Variants in SNRNP70 observed in about 807,000 individuals in gnomAD.
SNRNP70 encodes small nuclear ribonucleoprotein U1 subunit 70.
A neutral mutation model predicts 50.5 loss-of-function variants in SNRNP70; 8 were observed. That is an observed-to-expected ratio of 0.16 (90% confidence interval 0.09 to 0.29). The LOEUF (loss-of-function observed/expected upper bound fraction) is 0.29, where lower values mean the gene tolerates loss of function less well. Among genes scored for constraint, SNRNP70 ranks in the 10% least tolerant of loss-of-function variants. The pLI is 1.00. For missense variants in SNRNP70, 529 were observed against 663.5 expected (o/e 0.80, Z 2.23); for synonymous variants, 320 against 252.9 (o/e 1.27, Z -2.52).
Position 49,085,530 on chromosome 19 carries a change from TG to T in SNRNP70, c.-115del. The T allele has an allele frequency of 2.2e-6, 1 of 455,846 alleles. No homozygotes were observed. The highest frequency in any genetic ancestry group is 4.4e-6 in the Non-Finnish European group (1 of 226,700). 28.2% of individuals were successfully genotyped at this position (455,846 alleles called of 1,614,324 possible). On this transcript the variant is annotated 5_prime_UTR_variant, in exon 1 of 10. Coordinates refer to ENST00000598441, the MANE Select transcript of SNRNP70 (RefSeq NM_003089.6). The stretch of plus-strand genomic sequence containing the variant: ...AGCGGGCGACGGAATCAGACGGACG[TG>T]GACGCCCCCGGAGTGGAAGCCGAAG...
In SNRNP70 at chr19:49,107,827, G is replaced by A. The variant is rs1193703499; in HGVS notation, c.698G>A (p.Arg233Gln). The A allele has an allele frequency of 2.5e-6, 4 of 1,586,690 alleles. No homozygotes were observed. The highest frequency in any genetic ancestry group is 3.4e-6 in the Non-Finnish European group (4 of 1,167,150). Reference protein sequence around the residue: ...PGPSPLPHRDRDRDRERERRE... With the variant: ...PGPSPLPHRDQDRDRERERRE... The stretch of plus-strand genomic sequence containing the variant: ...CCCTCCCCGCTTCCGCACAGGGACC[G>A]GGACCGGGACCGTGAGCGGGAGCGC... Residue 233 changes from arginine (R) to glutamine (Q), a missense_variant, in exon 10 of 10, where the codon CGG (arginine) becomes CAG (glutamine). By Grantham distance (43) the Arg-to-Gln change is conservative. This residue lies in a region of SNRNP70 where 53 missense variants were observed against 78.6 expected (regional missense o/e 0.67). Coordinates refer to ENST00000598441, the MANE Select transcript of SNRNP70 (RefSeq NM_003089.6). This position sits in a 1 kb window ranked among gnomAD's most constrained non-coding sequence, Gnocchi z 6.0.
Position 49,101,520 on chromosome 19 carries a change from T to A in SNRNP70, c.475+49T>A. 3.0e-6 allele frequency: 4 copies of A among 1,355,810 alleles called. No homozygotes were observed. In the South Asian group the frequency reaches 4.7e-5, roughly 16 times the overall value. 84.0% of individuals were successfully genotyped at this position (1,355,810 alleles called of 1,614,324 possible). ...GCCCTCTGACCTGCTCTCACTTCTC[T>A]GCTGCCCCAGCCCCTCCCAGTCTGT... is the stretch of plus-strand genomic sequence containing the variant. On this transcript the variant is annotated intron_variant, in intron 7 of 9. Coordinates refer to ENST00000598441, the MANE Select transcript of SNRNP70 (RefSeq NM_003089.6).
chr19:49,096,432 T>G (rs1272585959), intron 4 of SNRNP70, among the ~76,000 whole-genome samples: 4 of 152,162 alleles, frequency 2.6e-5, no homozygotes, highest in African/African-American at 9.7e-5. Flanking sequence ...TTGTCCCAGA[T>G]AGCGATTCCC....
rs1224010552 is a variant in SNRNP70, at chr19:49,107,742, G to T, written c.665+30G>T. On this transcript the variant is annotated intron_variant, in intron 9 of 9. Coordinates refer to ENST00000598441, the MANE Select transcript of SNRNP70 (RefSeq NM_003089.6). This position sits in a 1 kb window ranked among gnomAD's most constrained non-coding sequence, Gnocchi z 6.0. ...GATTGGGCGACCGGTGTCCTGGGGTGGGGGGCGGTCACGGGGGGAGCCCAG... is the reference window on the plus strand; with the variant it reads ...GATTGGGCGACCGGTGTCCTGGGGTTGGGGGCGGTCACGGGGGGAGCCCAG... 1 of 1,613,140 alleles carries T rather than the reference G, an allele frequency of 6.2e-7. No individual in the cohort carries two copies. The highest frequency in any genetic ancestry group is 8.5e-7 in the Non-Finnish European group (1 of 1,179,774).
intron 4 of SNRNP70, among the ~76,000 whole-genome samples, chr19:49,096,652 AG>A (rs2040517674): frequency 6.6e-6 from 1 of 151,630 alleles, no homozygotes; most frequent in Non-Finnish European, 1.5e-5. Flanking sequence ...TTGTAATCCC[AG>A]CTACTTGGGA....
At chr19:49,090,251 C>T (rs2040431442) in intron 2 of SNRNP70, 40 bp from the exon 3 acceptor site, 2 of 1,582,660 alleles carry the variant, frequency 1.3e-6, no homozygotes, top group Admixed American at 1.7e-5. Context: ...GCCATTTCCC[C>T]CAGTCCTTCC....
chr19:49,088,907 A>G (rs886783707), intron 2 of SNRNP70, among the ~76,000 whole-genome samples: 4 of 152,068 alleles, frequency 2.6e-5, no homozygotes, highest in Non-Finnish European at 5.9e-5. Context: ...ATGTTGCTTT[A>G]GGCCTGGTCA....
In SNRNP70 at chr19:49,095,016, T is replaced by C. The variant is rs371330234; in HGVS notation, c.266-3411T>C. On this transcript the variant is annotated intron_variant, in intron 4 of 9. Transcript: ENST00000598441. Reference sequence around the variant, plus strand: ...GTGATGTCCTGAGGGAGAGCTGCCGTCAGGGCGCTGCACGCATACGCTGGC... The same window carrying C: ...GTGATGTCCTGAGGGAGAGCTGCCGCCAGGGCGCTGCACGCATACGCTGGC... 8.4e-4 allele frequency among the ~76,000 whole-genome samples: 128 copies of C among 152,366 alleles called. 1 individual carries two copies. Among genetic ancestry groups the C allele is most frequent in the Admixed American group, 3.9e-3 (59 of 15,308 alleles).
chr19:49,091,116 A>C (rs888262535), intron 4 of SNRNP70, among the ~76,000 whole-genome samples: 1 of 152,108 alleles, frequency 6.6e-6, no homozygotes, highest in Non-Finnish European at 1.5e-5. Context: ...TCACGCTGTA[A>C]TCCCAGTACT....
intron 6 of SNRNP70, 42 bp from the exon 7 acceptor site, chr19:49,101,348 G>T (rs369072916): frequency 6.6e-7 from 1 of 1,521,322 alleles, no homozygotes; most frequent in Non-Finnish European, 9.1e-7. Flanking sequence ...GGGCGGAGCC[G>T]CCCTGTGGCA....
chr19:49,108,026 C>G lies in SNRNP70; in HGVS notation c.897C>G (p.Ala299=). ...GAAGCAGCCGGAGTCGGGAGCGGGC[C>G]CGGCGGGAGCGGGAGCGCAAGGAGG... The part of the protein sequence containing the change: ...KRRSSRSRER[A]RRERERKEEL... Residue 299 remains alanine (A), a synonymous_variant, in exon 10 of 10, where the codon GCC becomes GCG. Transcript: ENST00000598441. The G allele has an allele frequency of 6.5e-7, 1 of 1,547,888 alleles. No individual in the cohort carries two copies. Among genetic ancestry groups the G allele is most frequent in the Non-Finnish European group, 8.7e-7 (1 of 1,146,428 alleles).
At position 49,104,812 on chromosome 19, in the gene SNRNP70, C is replaced by T. The variant is rs1051321024; in HGVS notation, c.577+77C>T. ...CTTGTTCTCCCTTCTCTGCTGCTTTCTGCTTCTCTGTCTCCTGCCGGCCCA... is the reference window on the plus strand; with the variant it reads ...CTTGTTCTCCCTTCTCTGCTGCTTTTTGCTTCTCTGTCTCCTGCCGGCCCA... On this transcript the variant is annotated intron_variant, in intron 8 of 9. Transcript: ENST00000598441. This position sits in a 1 kb window ranked among gnomAD's most constrained non-coding sequence, Gnocchi z 5.4. The T allele has an allele frequency of 3.4e-6, 3 of 876,352 alleles. No individual in the cohort carries two copies. Among genetic ancestry groups the T allele is most frequent in the Non-Finnish European group, 5.1e-6 (3 of 586,118 alleles). 54.3% of individuals were successfully genotyped at this position (876,352 alleles called of 1,614,324 possible). A position where few individuals can be genotyped will look rare whatever the true frequency, so the allele number is the denominator to read the frequency against.
At position 49,101,373 on chromosome 19, in the gene SNRNP70, C is replaced by A. The variant is rs1402095254; in HGVS notation, c.394-17C>A. The A allele has an allele frequency of 3.7e-6, 6 of 1,605,770 alleles. No homozygotes were observed. Among genetic ancestry groups the A allele is most frequent in the Non-Finnish European group, 5.1e-6 (6 of 1,172,456 alleles). On this transcript the variant is annotated splice_polypyrimidine_tract_variant and intron_variant, in intron 6 of 9. Coordinates refer to ENST00000598441, the MANE Select transcript of SNRNP70 (RefSeq NM_003089.6). ...GCCCTGTGGCAGGACTCACCCCTGT[C>A]CCCATGTGCCCCACAGATACACATG...
chr19:49,108,281 C>T lies in SNRNP70; in HGVS notation c.1152C>T (p.Gly384=). ...GCGAGCACAAACGGGGGGAGCGGGG[C>T]AGTGAGCGGGGCAGGGATGAGGCCC... ...RDREHKRGER[G]SERGRDEARG... The change falls in exon 10 of 10, where the codon GGC becomes GGT. Residue 384 remains glycine, a synonymous_variant. Coordinates refer to ENST00000598441, the MANE Select transcript of SNRNP70 (RefSeq NM_003089.6). 6.4e-7 allele frequency: 1 copy of T among 1,563,700 alleles called. No individual in the cohort carries two copies. The highest frequency in any genetic ancestry group is 8.7e-7 in the Non-Finnish European group (1 of 1,155,068).
intron 4 of SNRNP70, among the ~76,000 whole-genome samples, chr19:49,095,868 A>G (rs1041099090): frequency 2.0e-5 from 3 of 151,620 alleles, no homozygotes; most frequent in Non-Finnish European, 2.9e-5. Context: ...CAACAACTAT[A>G]GCATTTCCAG....
At chr19:49,085,882 T>C (rs989210784) in intron 1 of SNRNP70, among the ~76,000 whole-genome samples, 1 of 152,240 alleles carries the variant, frequency 6.6e-6, no homozygotes, top group African/African-American at 2.4e-5. Flanking sequence ...CGTTTGTCTA[T>C]GTTGTCCTGG....
In SNRNP70 at chr19:49,096,541, A is replaced by G. The variant is rs1389769665; in HGVS notation, c.266-1886A>G. On this transcript the variant is annotated intron_variant, in intron 4 of 9. Transcript: ENST00000598441. ...AGCACTTTGGGAGGCCGAGGCAGGC[A>G]GATCACCTGAGGTCAGGAGTTCGAA... 6.0e-5 allele frequency among the ~76,000 whole-genome samples: 9 copies of G among 149,810 alleles called. No individual in the cohort carries two copies. In the East Asian group the frequency reaches 6.1e-4, roughly 10 times the overall value.
chr19:49,085,731 CTT>C (rs1389883400), intron 1 of SNRNP70, 95 bp downstream of exon 1: 2 of 438,228 alleles, frequency 4.6e-6, no homozygotes, highest in African/African-American at 4.0e-5. Context: ...GGCCAGGCCC[CTT>C]TCCCGCGTCC....
At chr19:49,103,546 C>T in intron 7 of SNRNP70, 1 of 151,944 alleles carries the variant, frequency 6.6e-6, no homozygotes. Context: ...TGCCGAGCCC[C>T]CCCCATCCCG....
Sources: gnomAD v4.1 joint callset for allele counts (sites outside exome capture counted in the v4.1 genomes callset) on GRCh38, gnomAD v4.1.1 for gene constraint, gnomAD v4.1.1 regional missense constraint, Gnocchi (gnomAD v3.1) non-coding constraint, MANE v1.5 for transcripts, NCBI Gene and HGNC (gene_info 2026-07-23, HGNC 2026-07-21) for gene names.